RGS7: variants seen among roughly 807,000 people sequenced by gnomAD.
RGS7 encodes regulator of G-protein signaling 7.
Under a neutral mutation model 81.1 loss-of-function variants are expected in RGS7, and 27 were observed. The observed-to-expected ratio is 0.33, with a 90% CI of 0.25 to 0.46. The LOEUF is 0.46. Among genes scored for constraint, RGS7 ranks in the 20% least tolerant of loss-of-function variants. RGS7 has a pLI of 1.00. For synonymous variants in RGS7, 208 were observed against 207.7 expected (o/e 1.00, Z -0.01); for missense variants, 396 against 607.4 (o/e 0.65, Z 3.66).
chr1:240,979,083 T>TA (rs1331108251), intron 4 of RGS7, among the ~76,000 whole-genome samples: 4 of 152,074 alleles, frequency 2.6e-5, no homozygotes, highest in African/African-American at 9.7e-5. Context: ...CTAGGCAGGA[T>TA]AAAAAATCAG....
chr1:240,951,043 T>A (rs1236789592), intron 4 of RGS7, among the ~76,000 whole-genome samples: 1 of 152,076 alleles, frequency 6.6e-6, no homozygotes, highest in Non-Finnish European at 1.5e-5. Flanking sequence ...CAACTCAGCC[T>A]TCCAAGTAGC....
chr1:240,995,869 CTCT>C (rs530343713), intron 3 of RGS7, among the ~76,000 whole-genome samples: 70 of 151,796 alleles, frequency 4.6e-4, no homozygotes, highest in African/African-American at 1.4e-3. Flanking sequence ...GTTTATTTTG[CTCT>C]TCTTCTATGT....
chr1:241,213,325 C>T (rs767156088), intron 2 of RGS7, among the ~76,000 whole-genome samples: 5 of 152,110 alleles, frequency 3.3e-5, no homozygotes, highest in Admixed American at 2.0e-4. Flanking sequence ...ATTCTGAATG[C>T]GAATCTCCTT....
At chr1:240,971,985 G>A (rs1683271800) in intron 4 of RGS7, among the ~76,000 whole-genome samples, 1 of 152,202 alleles carries the variant, frequency 6.6e-6, no homozygotes, top group Non-Finnish European at 1.5e-5. Flanking sequence ...ACAATTTGAA[G>A]AGCATACAGA....
rs114424064 is a variant in RGS7, at chr1:241,338,563, G to T, written c.78+17136C>A. The stretch of plus-strand genomic sequence containing the variant: ...TAGCATACTGAGCTGGCAGTATAAT[G>T]AATCAGAACATTTTCATTTGCATTT... On this transcript the variant is annotated intron_variant, in intron 2 of 18. Coordinates refer to ENST00000440928, the MANE Select transcript of RGS7 (RefSeq NM_001364886.1). 5.6e-3 allele frequency among the ~76,000 whole-genome samples: 850 copies of T among 152,160 alleles called. 17 individuals are homozygous for T. Among genetic ancestry groups the T allele is most frequent in the African/African-American group, 0.02 (824 of 41,538 alleles).
intron 2 of RGS7, among the ~76,000 whole-genome samples, chr1:241,130,770 T>C (rs1203020967): frequency 1.5e-5 from 2 of 134,446 alleles, no homozygotes; most frequent in Non-Finnish European, 2.9e-5. Context: ...TCTGAACCTC[T>C]AAGGATTGGA....
intron 3 of RGS7, among the ~76,000 whole-genome samples, chr1:240,989,417 A>G (rs1162676029): frequency 6.6e-6 from 1 of 151,950 alleles, no homozygotes; most frequent in African/African-American, 2.4e-5. Flanking sequence ...GCCTGGCGAC[A>G]GAGTGAGACA....
intron 3 of RGS7, among the ~76,000 whole-genome samples, chr1:240,991,621 T>G (rs750782400): frequency 6.6e-6 from 1 of 152,220 alleles, no homozygotes; most frequent in African/African-American, 2.4e-5. Flanking sequence ...CCGCAGTGTT[T>G]CCTTAGGATG....
chr1:241,323,561 C>T (rs12755690), intron 2 of RGS7, among the ~76,000 whole-genome samples: 37,219 of 152,092 alleles, frequency 0.24, 4,648 homozygotes, highest in African/African-American at 0.28. Flanking sequence ...AAACTCTGGA[C>T]TAGGAAATCA....
intron 6 of RGS7, among the ~76,000 whole-genome samples, chr1:240,894,812 C>G (rs1668784715): frequency 6.6e-6 from 1 of 152,088 alleles, no homozygotes. Context: ...TCGTTGCTAG[C>G]TCACCTTCAG....
At chr1:241,291,433 C>CA in intron 2 of RGS7, among the ~76,000 whole-genome samples, 1 of 152,226 alleles carries the variant, frequency 6.6e-6, no homozygotes, top group Admixed American at 6.5e-5. Context: ...TTTAGAGCTA[C>CA]ATTGAGGATG....
intron 3 of RGS7, among the ~76,000 whole-genome samples, chr1:241,078,465 T>C (rs1204440599): frequency 1.7e-5 from 2 of 118,734 alleles, no homozygotes; most frequent in East Asian, 4.7e-4. Flanking sequence ...ACACACATAA[T>C]GCACACACAC....
At chr1:240,860,193 T>C (rs1440132043) in intron 9 of RGS7, among the ~76,000 whole-genome samples, 1 of 152,200 alleles carries the variant, frequency 6.6e-6, no homozygotes, top group Non-Finnish European at 1.5e-5. Flanking sequence ...AAGTATTCTA[T>C]AGATGTCAGT....
At chr1:240,894,259 G>T (rs2148160144) in intron 6 of RGS7, among the ~76,000 whole-genome samples, 1 of 152,246 alleles carries the variant, frequency 6.6e-6, no homozygotes, top group South Asian at 2.1e-4. Flanking sequence ...TTGGGGAGGT[G>T]CATCTATTGG....
chr1:240,871,222 C>A (rs997284324), intron 6 of RGS7, among the ~76,000 whole-genome samples: 4 of 152,144 alleles, frequency 2.6e-5, no homozygotes, highest in African/African-American at 4.8e-5. Flanking sequence ...TGTATCTGTT[C>A]TAGATGCTGA....
At chr1:240,954,450 C>A (rs796161797) in intron 4 of RGS7, among the ~76,000 whole-genome samples, 2 of 152,158 alleles carry the variant, frequency 1.3e-5, no homozygotes, top group African/African-American at 4.8e-5. Flanking sequence ...ATTTGAAAAT[C>A]AATTAATGTA....
intron 2 of RGS7, among the ~76,000 whole-genome samples, chr1:241,259,231 C>T (rs895508303): frequency 6.6e-6 from 1 of 152,040 alleles, no homozygotes; most frequent in Non-Finnish European, 1.5e-5. Context: ...CTATACTAGC[C>T]GTGGTATTGA....
intron 15 of RGS7, among the ~76,000 whole-genome samples, chr1:240,804,194 T>C (rs745335651): frequency 6.6e-6 from 1 of 152,164 alleles, no homozygotes; most frequent in African/African-American, 2.4e-5. Context: ...AATAGCATTG[T>C]TGTGATGATT....
intron 2 of RGS7, among the ~76,000 whole-genome samples, chr1:241,242,335 T>TAGATAGATAGAC (rs2076304220): frequency 6.6e-6 from 1 of 152,016 alleles, no homozygotes; most frequent in Non-Finnish European, 1.5e-5. Flanking sequence ...GATAGATAGA[T>TAGATAGATAGAC]AGATAGATAG....
Sources: allele counts gnomAD v4.1 joint callset (sites outside exome capture counted in the v4.1 genomes callset), GRCh38; gene constraint gnomAD v4.1.1; transcripts MANE v1.5; gene names NCBI Gene and HGNC (gene_info 2026-07-23, HGNC 2026-07-21).